The following ZNF407 variants were observed in gnomAD, a reference collection of about 807,000 sequenced individuals.
The protein encoded by ZNF407 is zinc finger protein 407.
Under a neutral mutation model 131.2 loss-of-function variants are expected in ZNF407, and 17 were observed. The ratio of observed to expected loss-of-function variants is 0.13; its 90% CI spans 0.09 to 0.19. ZNF407 has a LOEUF of 0.19. ZNF407 is among the 10% of genes least tolerant of loss of function. The pLI, the probability that ZNF407 is intolerant of heterozygous loss-of-function variation, is 1.00. For synonymous variants in ZNF407, 1,156 were observed against 1,062.0 expected (o/e 1.09, Z -1.72); for missense variants, 2,681 against 2,830.6 (o/e 0.95, Z 1.20).
intron 1 of ZNF407, among the ~76,000 whole-genome samples, chr18:74,630,396 C>A (rs890118239): frequency 6.6e-6 from 1 of 152,108 alleles, no homozygotes; most frequent in African/African-American, 2.4e-5. Context: ...TGGTCTCGAT[C>A]TCCTGACCTC....
chr18:74,616,511 A>G (rs1983293883), intron 1 of ZNF407, among the ~76,000 whole-genome samples: 1 of 151,872 alleles, frequency 6.6e-6, no homozygotes, highest in African/African-American at 2.4e-5. Flanking sequence ...TTTGTAAGTC[A>G]CATGTACAAA....
At chr18:74,736,277 A>T (rs1968409817) in intron 3 of ZNF407, among the ~76,000 whole-genome samples, 1 of 152,200 alleles carries the variant, frequency 6.6e-6, no homozygotes, top group Non-Finnish European at 1.5e-5. Context: ...AAAATATTTT[A>T]GGTAGAATTA....
chr18:74,866,959 A>G (rs1971020030), intron 4 of ZNF407, among the ~76,000 whole-genome samples: 1 of 147,100 alleles, frequency 6.8e-6, no homozygotes, highest in Non-Finnish European at 1.5e-5. Flanking sequence ...ACCAGCCTTG[A>G]CAACATAGTG....
At chr18:74,955,685 TC>T (rs1972267492) in intron 8 of ZNF407, among the ~76,000 whole-genome samples, 2 of 152,210 alleles carry the variant, frequency 1.3e-5, no homozygotes, top group Admixed American at 6.5e-5. Flanking sequence ...AACCCTGTTT[TC>T]CAAGGTGGTG....
intron 4 of ZNF407, among the ~76,000 whole-genome samples, chr18:74,791,436 T>C (rs1969823938): frequency 6.6e-6 from 1 of 152,210 alleles, no homozygotes. Flanking sequence ...TAATGATTTC[T>C]TAGACATAGC....
At chr18:74,932,745 T>C (rs1439201128) in intron 8 of ZNF407, among the ~76,000 whole-genome samples, 2 of 152,256 alleles carry the variant, frequency 1.3e-5, no homozygotes, top group East Asian at 1.9e-4. Flanking sequence ...GGCTACCACC[T>C]TATCTGGTGG....
chr18:74,734,598 T>C (rs1372247620), intron 3 of ZNF407, among the ~76,000 whole-genome samples: 1 of 152,122 alleles, frequency 6.6e-6, no homozygotes, highest in African/African-American at 2.4e-5. Flanking sequence ...AGGAAATAAC[T>C]GACTGTCCTC....
chr18:75,001,637 G>A (rs150894836), intron 8 of ZNF407, among the ~76,000 whole-genome samples: 1 of 152,352 alleles, frequency 6.6e-6, no homozygotes, highest in East Asian at 1.9e-4. Context: ...CTCAAAAGTT[G>A]TCTGAAATGC....
intron 3 of ZNF407, among the ~76,000 whole-genome samples, chr18:74,642,265 C>G (rs1984757550): frequency 6.6e-6 from 1 of 151,968 alleles, no homozygotes; most frequent in Non-Finnish European, 1.5e-5. Flanking sequence ...CCTAAAGTCC[C>G]CTGAAGATGA....
intron 8 of ZNF407, among the ~76,000 whole-genome samples, chr18:75,006,365 TA>T (rs2122171130): frequency 6.6e-6 from 1 of 152,336 alleles, no homozygotes; most frequent in Non-Finnish European, 1.5e-5. Context: ...GTTGAATGCT[TA>T]ATCAGTTAAT....
intron 3 of ZNF407, among the ~76,000 whole-genome samples, chr18:74,725,553 C>T (rs1968137700): frequency 6.6e-6 from 1 of 152,034 alleles, no homozygotes; most frequent in South Asian, 2.1e-4. Flanking sequence ...TGTCATCTGC[C>T]TTGCAATCCA....
chr18:74,608,718 A>C (rs1346967163), intron 1 of ZNF407, among the ~76,000 whole-genome samples: 1 of 152,160 alleles, frequency 6.6e-6, no homozygotes, highest in Non-Finnish European at 1.5e-5. Flanking sequence ...ATTTTGTAGA[A>C]TGTCCCTCAG....
intron 3 of ZNF407, among the ~76,000 whole-genome samples, chr18:74,779,927 T>C (rs1969564457): frequency 6.6e-6 from 1 of 152,150 alleles, no homozygotes; most frequent in Non-Finnish European, 1.5e-5. Context: ...AGGGAAGTTA[T>C]GACTTAAATT....
chr18:74,762,508 C>G (rs1027481786), intron 3 of ZNF407, among the ~76,000 whole-genome samples: 1 of 151,922 alleles, frequency 6.6e-6, no homozygotes, highest in Non-Finnish European at 1.5e-5. Context: ...CTCCATGAAA[C>G]CTTTACCTCA....
At chr18:74,956,210 G>C (rs1232937726) in intron 8 of ZNF407, among the ~76,000 whole-genome samples, 1 of 151,916 alleles carries the variant, frequency 6.6e-6, no homozygotes, top group Non-Finnish European at 1.5e-5. Context: ...GTATCCTCCT[G>C]TCTGTGTCAC....
intron 3 of ZNF407, among the ~76,000 whole-genome samples, chr18:74,678,021 A>C (rs966453107): frequency 1.3e-5 from 2 of 151,978 alleles, no homozygotes; most frequent in Non-Finnish European, 2.9e-5. Context: ...GGATTTCACT[A>C]TGTTGGCCAT....
At chr18:75,021,421 C>T (rs565145400) in intron 8 of ZNF407, among the ~76,000 whole-genome samples, 1 of 152,112 alleles carries the variant, frequency 6.6e-6, no homozygotes, top group South Asian at 2.1e-4. Context: ...AGGCACTCAC[C>T]ACAGCACCTG....
intron 3 of ZNF407, among the ~76,000 whole-genome samples, chr18:74,707,314 T>C (rs763044190): frequency 1.3e-5 from 2 of 152,198 alleles, no homozygotes; most frequent in Non-Finnish European, 2.9e-5. Context: ...CAATAAGTAG[T>C]TCCTAATAAG....
intron 3 of ZNF407, among the ~76,000 whole-genome samples, chr18:74,702,771 G>A (rs1410103083): frequency 6.6e-6 from 1 of 152,098 alleles, no homozygotes; most frequent in African/African-American, 2.4e-5. Context: ...ATAGATACAT[G>A]TACATATACA....
Sources: gnomAD v4.1 joint callset for allele counts (sites outside exome capture counted in the v4.1 genomes callset) on GRCh38, gnomAD v4.1.1 for gene constraint, MANE v1.5 for transcripts, NCBI Gene and HGNC (gene_info 2026-07-23, HGNC 2026-07-21) for gene names.